MICU2: variants seen among roughly 807,000 people sequenced by gnomAD.
The protein encoded by MICU2 is mitochondrial calcium uptake 2.
MICU2 carries 64 observed loss-of-function variants against 60.4 expected under a neutral mutation model. The observed-to-expected ratio is 1.06, with a 90% CI of 0.87 to 1.31. The LOEUF (loss-of-function observed/expected upper bound fraction) is 1.31. Among genes scored for constraint, MICU2 ranks in the 50% most tolerant of loss-of-function variants. MICU2 has a pLI of 0.00. For synonymous variants in MICU2, 201 were observed against 175.0 expected (o/e 1.15, Z -1.17); for missense variants, 569 against 531.0 (o/e 1.07, Z -0.70).
chr13:21,596,673 C>T (rs1888699215), intron 1 of MICU2, among the ~76,000 whole-genome samples: 1 of 152,178 alleles, frequency 6.6e-6, no homozygotes, highest in Non-Finnish European at 1.5e-5. Context: ...ATACACCCGC[C>T]TCGGCCTCCC....
At chr13:21,603,893 G>T (rs764999716) in intron 1 of MICU2, 46 bp downstream of exon 1, 67 of 1,598,446 alleles carry the variant, frequency 4.2e-5, no homozygotes, top group Non-Finnish European at 5.3e-5. Context: ...GGCGTCAGGG[G>T]AGGGAGGAGC....
chr13:21,588,028 A>G (rs945825709), intron 1 of MICU2, among the ~76,000 whole-genome samples: 4 of 152,190 alleles, frequency 2.6e-5, no homozygotes, highest in Non-Finnish European at 5.9e-5. Context: ...CAGCATTTCA[A>G]TACAGACCCC....
Position 21,520,652 on chromosome 13 carries a change from G to GT in MICU2, c.597+592dup, listed in dbSNP as rs1237798283. Among the ~76,000 whole-genome samples the GT allele has an allele frequency of 1.6e-3, 194 of 122,806 alleles. 1 individual carries two copies. Among genetic ancestry groups the GT allele is most frequent in the Non-Finnish European group, 2.9e-3 (157 of 54,480 alleles). The allele number at this position is 122,806 out of a possible 152,430, so 80.6% of individuals were successfully genotyped here. On this transcript the variant is annotated intron_variant, in intron 6 of 11. Transcript: ENST00000382374. The stretch of plus-strand genomic sequence containing the variant: ...TACCAAACTGTTGATGTGCATTGAG[G>GT]TTTTTTTGTTTTTTTTTTTTAATAT...
chr13:21,496,502 A>T, intron 9 of MICU2: 1 of 245,928 alleles, frequency 4.1e-6, no homozygotes, highest in Non-Finnish European at 8.0e-6. Flanking sequence ...GAAGAGACTA[A>T]CATACTCTGT....
intron 9 of MICU2, among the ~76,000 whole-genome samples, chr13:21,497,911 A>G (rs1886041443): frequency 6.6e-6 from 1 of 151,962 alleles, no homozygotes; most frequent in Admixed American, 6.6e-5. Context: ...ACCACACCCA[A>G]CTAATGTTTT....
intron 8 of MICU2, among the ~76,000 whole-genome samples, chr13:21,505,327 A>G (rs1418925908): frequency 6.6e-6 from 1 of 152,156 alleles, no homozygotes; most frequent in Non-Finnish European, 1.5e-5. Context: ...ACACAACAAA[A>G]TCAGAAGGCA....
chr13:21,587,666 T>C (rs1200032), intron 1 of MICU2, among the ~76,000 whole-genome samples: 144,374 of 152,302 alleles, frequency 0.95, 68,562 homozygotes, highest in East Asian at 1. Flanking sequence ...GTGAATTTAG[T>C]CATTTTAAGC....
At chr13:21,558,426 C>T (rs973549987) in intron 2 of MICU2, among the ~76,000 whole-genome samples, 6 of 152,168 alleles carry the variant, frequency 3.9e-5, no homozygotes, top group South Asian at 4.1e-4. Context: ...AGTTCTCTTC[C>T]GCAAAGCAGC....
chr13:21,564,816 G>C (rs1232084474), intron 2 of MICU2, among the ~76,000 whole-genome samples: 1 of 152,146 alleles, frequency 6.6e-6, no homozygotes, highest in Non-Finnish European at 1.5e-5. Flanking sequence ...TGAGAACCTG[G>C]CAGAGTTCCT....
chr13:21,547,486 A>G (rs1223440458), intron 2 of MICU2, among the ~76,000 whole-genome samples: 2 of 152,128 alleles, frequency 1.3e-5, no homozygotes, highest in African/African-American at 2.4e-5. Context: ...CTCTTACACT[A>G]TATCATGAAT....
intron 1 of MICU2, among the ~76,000 whole-genome samples, chr13:21,577,053 T>G (rs1054800638): frequency 1.1e-4 from 16 of 152,216 alleles, no homozygotes; most frequent in African/African-American, 3.6e-4. Flanking sequence ...AAAATTCCAT[T>G]GACATTATTT....
At position 21,557,342 on chromosome 13, in the gene MICU2, G is replaced by A. The variant is rs569755546; in HGVS notation, c.358+9455C>T. Among the ~76,000 whole-genome samples, 5 of 152,216 alleles carry A rather than the reference G, an allele frequency of 3.3e-5. No homozygotes were observed. In the South Asian group the frequency reaches 1.0e-3, roughly 32 times the overall value. On this transcript the variant is annotated intron_variant, in intron 2 of 11. Coordinates refer to ENST00000382374, the MANE Select transcript of MICU2 (RefSeq NM_152726.3). ...TCAGTAGAAAAGAACGTAAAGAAGG[G>A]AAATGGTATTCTGGCTAGATAAGCT...
chr13:21,588,334 C>G (rs2138066054), intron 1 of MICU2, among the ~76,000 whole-genome samples: 1 of 152,344 alleles, frequency 6.6e-6, no homozygotes, highest in South Asian at 2.1e-4. Flanking sequence ...GAGGCCCAAA[C>G]TGTCCCCTTT....
At chr13:21,547,781 G>A (rs1887449749) in intron 2 of MICU2, among the ~76,000 whole-genome samples, 1 of 138,388 alleles carries the variant, frequency 7.2e-6, no homozygotes. Flanking sequence ...GTGTCCATGT[G>A]TACTTGGGGG....
At chr13:21,590,844 ACT>A (rs1265041637) in intron 1 of MICU2, among the ~76,000 whole-genome samples, 2 of 152,180 alleles carry the variant, frequency 1.3e-5, no homozygotes, top group South Asian at 2.1e-4. Context: ...ACAAAGCGAG[ACT>A]CTGTCTCAAA....
chr13:21,593,571 C>CAAAAAAAAAAAAAAAAAAAAAAAAAA (rs71093338), intron 1 of MICU2, among the ~76,000 whole-genome samples: 2 of 63,028 alleles, frequency 3.2e-5, no homozygotes, highest in Non-Finnish European at 5.4e-5. Flanking sequence ...CAATCCTAAG[C>CAAAAAAAAAAAAAAAAAAAAAAAAAA]AAAAAAAAAA....
intron 11 of MICU2, among the ~76,000 whole-genome samples, chr13:21,493,867 T>C (rs1033982481): frequency 6.6e-5 from 10 of 151,702 alleles, no homozygotes; most frequent in Admixed American, 6.6e-4. Context: ...TAGCTAAAAA[T>C]ACATGTGGAT....
chr13:21,500,639 G>A (rs112622064), intron 9 of MICU2, among the ~76,000 whole-genome samples: 1 of 151,616 alleles, frequency 6.6e-6, no homozygotes, highest in African/African-American at 2.4e-5. Flanking sequence ...GGCTAGTCTC[G>A]AACTCCTGAC....
intron 1 of MICU2, among the ~76,000 whole-genome samples, chr13:21,579,934 G>A (rs1356205175): frequency 6.6e-6 from 1 of 152,100 alleles, no homozygotes; most frequent in African/African-American, 2.4e-5. Flanking sequence ...AAGTTTTGCG[G>A]TTTTTTTGGT....
Sources: allele counts gnomAD v4.1 joint callset (sites outside exome capture counted in the v4.1 genomes callset), GRCh38; gene constraint gnomAD v4.1.1; transcripts MANE v1.5; gene names NCBI Gene and HGNC (gene_info 2026-07-23, HGNC 2026-07-21).